The following IPCEF1 variants were observed in gnomAD, a reference collection of about 807,000 sequenced individuals.
The protein encoded by IPCEF1 is interaction protein for cytohesin exchange factors 1.
Under a neutral mutation model 50.9 loss-of-function variants are expected in IPCEF1, and 31 were observed. That is an observed-to-expected ratio of 0.61 (90% CI 0.46 to 0.82). The LOEUF (loss-of-function observed/expected upper bound fraction) is 0.82, where lower values mean the gene tolerates loss of function less well. Ranked by LOEUF, IPCEF1 falls within the 40% of genes least tolerant of loss-of-function variation. The pLI is 0.00. For synonymous variants in IPCEF1, 181 were observed against 192.0 expected (o/e 0.94, Z 0.47); for missense variants, 458 against 514.0 (o/e 0.89, Z 1.05).
At chr6:154,224,715 A>C (rs1473536601) in intron 5 of IPCEF1, among the ~76,000 whole-genome samples, 5 of 152,162 alleles carry the variant, frequency 3.3e-5, no homozygotes, top group East Asian at 1.9e-4. Context: ...TGTCTTAAAA[A>C]AAACAAACAA....
chr6:154,161,326 T>G (rs1419762129), intron 11 of IPCEF1, among the ~76,000 whole-genome samples: 3 of 151,746 alleles, frequency 2.0e-5, no homozygotes, highest in African/African-American at 7.3e-5. Context: ...TTCTCCTGCA[T>G]CAACCTCCCA....
At chr6:154,256,094 T>C (rs917513757) in intron 3 of IPCEF1, among the ~76,000 whole-genome samples, 1 of 152,118 alleles carries the variant, frequency 6.6e-6, no homozygotes, top group Non-Finnish European at 1.5e-5. Context: ...CAGAGTACCA[T>C]AGACTGAGTG....
chr6:154,175,511 A>G (rs1800243752), intron 10 of IPCEF1, among the ~76,000 whole-genome samples: 1 of 152,264 alleles, frequency 6.6e-6, no homozygotes, highest in South Asian at 2.1e-4. Context: ...TCCCACAGAA[A>G]TACAAACTAC....
intron 3 of IPCEF1, among the ~76,000 whole-genome samples, chr6:154,252,122 C>T (rs1365528212): frequency 6.6e-6 from 1 of 152,126 alleles, no homozygotes; most frequent in Admixed American, 6.6e-5. Context: ...TGACTTGTCA[C>T]TGTATAAAGA....
chr6:154,192,087 G>A (rs1801941090), intron 10 of IPCEF1, among the ~76,000 whole-genome samples: 1 of 152,150 alleles, frequency 6.6e-6, no homozygotes, highest in Non-Finnish European at 1.5e-5. Flanking sequence ...ATTACAAAGG[G>A]TTTCTGCATT....
chr6:154,346,868 T>G (rs1385268803), intron 1 of IPCEF1, among the ~76,000 whole-genome samples: 1 of 152,222 alleles, frequency 6.6e-6, no homozygotes, highest in Non-Finnish European at 1.5e-5. Context: ...CAGTTCAACG[T>G]AAGATTTGGG....
At chr6:154,246,427 C>CCTA (rs1206230312) in intron 5 of IPCEF1, among the ~76,000 whole-genome samples, 164 bp downstream of exon 5, 2 of 152,162 alleles carry the variant, frequency 1.3e-5, no homozygotes, top group African/African-American at 4.8e-5. Context: ...AGAAGCATAA[C>CCTA]CTACATATCT....
At chr6:154,196,404 T>A (rs1282449634) in intron 10 of IPCEF1, among the ~76,000 whole-genome samples, 4 of 152,194 alleles carry the variant, frequency 2.6e-5, no homozygotes, top group Admixed American at 2.6e-4. Flanking sequence ...CTGCCTCTTC[T>A]TTAACAATGT....
At chr6:154,347,064 G>T (rs1045039967) in intron 1 of IPCEF1, among the ~76,000 whole-genome samples, 1 of 152,128 alleles carries the variant, frequency 6.6e-6, no homozygotes, top group African/African-American at 2.4e-5. Flanking sequence ...TCAAGGCTCA[G>T]GCAAATCTGG....
At chr6:154,336,498 T>C (rs1458992098) in intron 1 of IPCEF1, among the ~76,000 whole-genome samples, 1 of 152,188 alleles carries the variant, frequency 6.6e-6, no homozygotes, top group African/African-American at 2.4e-5. Flanking sequence ...AGTAGAATGA[T>C]AGATACCAGT....
In IPCEF1 at chr6:154,246,616, G is replaced by A; in HGVS notation, c.221C>T (p.Ser74Leu). 1 of 1,613,686 alleles carries A rather than the reference G, an allele frequency of 6.2e-7. No individual in the cohort carries two copies. Among genetic ancestry groups the A allele is most frequent in the Non-Finnish European group, 8.5e-7 (1 of 1,179,776 alleles). The change falls in exon 5 of 12, where the codon TCA becomes TTA. Residue 74 changes from serine (S) to leucine (L), a missense_variant. By Grantham distance (145) the Ser-to-Leu change is moderately radical. Transcript: ENST00000367220. The part of the protein sequence containing the change: ...KKFWVILKGS[S>L]LYWYSNQMAE... ...CATTTGATTGCTATACCAGTACAGT[G>A]ACGACCCCTTCAGTATCACCCAGAA...
chr6:154,216,408 G>A (rs1373927392), intron 7 of IPCEF1, among the ~76,000 whole-genome samples: 2 of 151,872 alleles, frequency 1.3e-5, no homozygotes, highest in Non-Finnish European at 2.9e-5. Flanking sequence ...TTCCAAATTT[G>A]TAATGGAAAT....
At chr6:154,316,727 T>G (rs1783229127) in intron 1 of IPCEF1, among the ~76,000 whole-genome samples, 1 of 152,216 alleles carries the variant, frequency 6.6e-6, no homozygotes, top group South Asian at 2.1e-4. Flanking sequence ...AACGATGTAT[T>G]GTATTCCTGA....
intron 1 of IPCEF1, among the ~76,000 whole-genome samples, chr6:154,295,247 T>A (rs1326270580): frequency 2.0e-5 from 3 of 152,248 alleles, no homozygotes; most frequent in African/African-American, 7.2e-5. Flanking sequence ...GATTATTTAA[T>A]TTGTACAGTC....
chr6:154,221,414 T>TTACAAAGC, intron 6 of IPCEF1, 86 bp from the exon 7 acceptor site: 1 of 989,700 alleles, frequency 1.0e-6, no homozygotes, highest in Non-Finnish European at 1.5e-6. Flanking sequence ...AAATACAAGC[T>TTACAAAGC]TTGTAAACTT....
At chr6:154,342,803 A>G (rs1783944611) in intron 1 of IPCEF1, among the ~76,000 whole-genome samples, 1 of 152,120 alleles carries the variant, frequency 6.6e-6, no homozygotes, top group African/African-American at 2.4e-5. Flanking sequence ...TAAACCTCCT[A>G]AATATCTCTT....
intron 4 of IPCEF1, chr6:154,247,010 G>T (rs1226930732): frequency 4.5e-6 from 2 of 443,608 alleles, no homozygotes; most frequent in Admixed American, 3.8e-5. Context: ...TATAAGATAC[G>T]GCCAAAGAAA....
chr6:154,235,792 G>C (rs1780085428), intron 5 of IPCEF1, among the ~76,000 whole-genome samples: 1 of 152,164 alleles, frequency 6.6e-6, no homozygotes, highest in African/African-American at 2.4e-5. Flanking sequence ...ACATGCGAAA[G>C]TTGCTCAAGG....
chr6:154,176,128 C>T (rs968250797), intron 10 of IPCEF1, among the ~76,000 whole-genome samples: 3 of 152,278 alleles, frequency 2.0e-5, no homozygotes, highest in East Asian at 3.9e-4. Context: ...AACAGCCTTT[C>T]GTGCTAAAAA....
Sources: allele counts gnomAD v4.1 joint callset (sites outside exome capture counted in the v4.1 genomes callset), GRCh38; gene constraint gnomAD v4.1.1; transcripts MANE v1.5; gene names NCBI Gene and HGNC (gene_info 2026-07-23, HGNC 2026-07-21).